The following KLHL32 variants were observed in gnomAD, a reference collection of about 807,000 sequenced individuals.
KLHL32 encodes kelch like family member 32.
KLHL32 carries 35 observed loss-of-function variants against 64.8 expected under a neutral mutation model. The ratio of observed to expected loss-of-function variants is 0.54; its 90% CI spans 0.41 to 0.72. The LOEUF (loss-of-function observed/expected upper bound fraction) is 0.72, where lower values mean the gene tolerates loss of function less well. Among genes scored for constraint, KLHL32 ranks in the 30% least tolerant of loss-of-function variants. KLHL32 has a pLI of 0.00. For missense variants in KLHL32, 589 were observed against 768.5 expected, an observed-to-expected ratio of 0.77 and a Z score of 2.76; for synonymous variants, 259 against 281.0, an observed-to-expected ratio of 0.92 and a Z score of 0.78.
chr6:96,908,403 G>A, the KLHL32 span, among the ~76,000 whole-genome samples: 1 of 152,148 alleles, frequency 6.6e-6, no homozygotes, highest in Non-Finnish European at 1.5e-5. Flanking sequence ...GATTTGGCGG[G>A]ATTCATTTGT....
intron 3 of KLHL32, among the ~76,000 whole-genome samples, chr6:97,017,022 C>G (rs984497724): frequency 1.3e-5 from 2 of 152,194 alleles, no homozygotes; most frequent in Non-Finnish European, 2.9e-5. Context: ...AATTAAACCT[C>G]TTCCTTTATA....
chr6:97,051,572 T>G (rs536372072), intron 4 of KLHL32, among the ~76,000 whole-genome samples: 1 of 152,322 alleles, frequency 6.6e-6, no homozygotes, highest in South Asian at 2.1e-4. Flanking sequence ...ATCCATGGTG[T>G]GCATCTGAGA....
intron 3 of KLHL32, among the ~76,000 whole-genome samples, chr6:96,996,853 A>G (rs1778469057): frequency 6.6e-6 from 1 of 152,198 alleles, no homozygotes; most frequent in Non-Finnish European, 1.5e-5. Context: ...TATTTTAAAA[A>G]TAAAGAACAG....
chr6:96,949,267 A>G (rs1271613650), intron 1 of KLHL32, among the ~76,000 whole-genome samples: 1 of 152,160 alleles, frequency 6.6e-6, no homozygotes, highest in Non-Finnish European at 1.5e-5. Context: ...TCTTTCTAAA[A>G]TCCTCATGCA....
At chr6:96,988,094 T>C (rs1777348085) in intron 3 of KLHL32, among the ~76,000 whole-genome samples, 1 of 152,046 alleles carries the variant, frequency 6.6e-6, no homozygotes, top group Admixed American at 6.6e-5. Flanking sequence ...AAAGCCAAAA[T>C]AGACAAATGG....
intron 6 of KLHL32, among the ~76,000 whole-genome samples, chr6:97,101,172 T>A (rs1228767384): frequency 3.9e-5 from 6 of 152,100 alleles, no homozygotes; most frequent in Admixed American, 6.5e-5. Context: ...TCAGGATGCA[T>A]GTTTACAAAT....
the KLHL32 span, among the ~76,000 whole-genome samples, chr6:96,914,099 G>A: frequency 6.6e-6 from 1 of 152,092 alleles, no homozygotes; most frequent in Non-Finnish European, 1.5e-5. Context: ...AAGAAAGCGG[G>A]GGAATCTACA....
intron 3 of KLHL32, chr6:96,994,473 T>C: frequency 1.0e-6 from 1 of 983,948 alleles, no homozygotes. Context: ...TGGTATAAAG[T>C]AGATTTTTGT....
chr6:97,043,181 A>G (rs1737648), intron 4 of KLHL32, among the ~76,000 whole-genome samples: 17,797 of 152,154 alleles, frequency 0.12, 1,112 homozygotes, highest in African/African-American at 0.15. Context: ...AAGTTACCCA[A>G]TGTCAGGTAT....
At chr6:97,037,748 A>G (rs1232400453) in intron 3 of KLHL32, among the ~76,000 whole-genome samples, 1 of 152,166 alleles carries the variant, frequency 6.6e-6, no homozygotes, top group Non-Finnish European at 1.5e-5. Flanking sequence ...GAACAAAGAC[A>G]TTACACTATC....
intron 4 of KLHL32, among the ~76,000 whole-genome samples, chr6:97,054,007 A>T (rs1365549398): frequency 6.6e-6 from 1 of 152,084 alleles, no homozygotes; most frequent in African/African-American, 2.4e-5. Context: ...TTAAAATAGA[A>T]TTCTTGAGCC....
intron 3 of KLHL32, among the ~76,000 whole-genome samples, chr6:96,999,031 A>T (rs890436310): frequency 1.7e-4 from 26 of 152,332 alleles, no homozygotes; most frequent in African/African-American, 6.3e-4. Context: ...AAGAAAAAAA[A>T]TTTAAGGAGG....
intron 3 of KLHL32, among the ~76,000 whole-genome samples, chr6:96,988,162 A>G (rs1777356579): frequency 6.6e-6 from 1 of 152,264 alleles, no homozygotes; most frequent in South Asian, 2.1e-4. Context: ...CAGAGTGAAC[A>G]GGCAACCTAC....
intron 6 of KLHL32, among the ~76,000 whole-genome samples, chr6:97,090,792 C>T (rs1362533536): frequency 6.6e-6 from 1 of 152,244 alleles, no homozygotes; most frequent in Non-Finnish European, 1.5e-5. Flanking sequence ...ATCTAGGAAT[C>T]AAACTCATGT....
intron 1 of KLHL32, among the ~76,000 whole-genome samples, chr6:96,948,653 A>C (rs961916125): frequency 2.0e-5 from 3 of 152,116 alleles, no homozygotes; most frequent in Admixed American, 1.3e-4. Flanking sequence ...TAGAGAATAC[A>C]CTTTTTTAAA....
At chr6:97,105,566 A>C in intron 6 of KLHL32, 2 of 469,406 alleles carry the variant, frequency 4.3e-6, no homozygotes, top group Non-Finnish European at 8.8e-6. Context: ...GATTCTGCAA[A>C]GAGAAGGGCT....
intron 2 of KLHL32, among the ~76,000 whole-genome samples, chr6:96,967,445 G>A (rs1321957145): frequency 1.3e-5 from 2 of 151,660 alleles, no homozygotes; most frequent in African/African-American, 4.8e-5. Context: ...ATATAGATGT[G>A]TATATATAGA....
intron 3 of KLHL32, among the ~76,000 whole-genome samples, chr6:97,002,274 C>T (rs2128079676): frequency 6.6e-6 from 1 of 152,168 alleles, no homozygotes; most frequent in South Asian, 2.1e-4. Flanking sequence ...TGGATGAAGC[C>T]CACTCACATT....
At chr6:97,040,332 G>C (rs1482076296) in intron 3 of KLHL32, among the ~76,000 whole-genome samples, 1 of 151,750 alleles carries the variant, frequency 6.6e-6, no homozygotes, top group African/African-American at 2.4e-5. Flanking sequence ...CTTTTAAAAT[G>C]CATTTGTTTT....
Sources: gnomAD v4.1 joint callset for allele counts (sites outside exome capture counted in the v4.1 genomes callset) on GRCh38, gnomAD v4.1.1 for gene constraint, MANE v1.5 for transcripts, NCBI Gene and HGNC (gene_info 2026-07-23, HGNC 2026-07-21) for gene names.